Variants in AGXT2 observed in about 807,000 individuals in gnomAD.
AGXT2 encodes alanine--glyoxylate aminotransferase 2, mitochondrial.
A neutral mutation model predicts 62.5 loss-of-function variants in AGXT2; 61 were observed. The observed-to-expected ratio is 0.98, with a 90% CI of 0.79 to 1.21. AGXT2 has a LOEUF of 1.21. Among genes scored for constraint, AGXT2 ranks in the 50% most tolerant of loss-of-function variants. AGXT2 has a pLI of 0.00. For synonymous variants in AGXT2, 243 were observed against 218.7 expected (o/e 1.11, Z -0.98); for missense variants, 666 against 641.5 (o/e 1.04, Z -0.41).
intron 9 of AGXT2, among the ~76,000 whole-genome samples, chr5:35,022,474 C>G (rs1261591661): frequency 6.7e-6 from 1 of 149,190 alleles, no homozygotes; most frequent in Non-Finnish European, 1.5e-5. Flanking sequence ...ATCGCAAGAA[C>G]AAAAAACCAA....
intron 9 of AGXT2, among the ~76,000 whole-genome samples, chr5:35,023,463 A>G (rs1413710924): frequency 1.3e-5 from 2 of 152,186 alleles, no homozygotes; most frequent in African/African-American, 2.4e-5. Context: ...TTTCAATTAC[A>G]TTGTTTGAAA....
In AGXT2 at chr5:34,998,248, G is replaced by A. The variant is rs1465627870; in HGVS notation, c.*471C>T. 5.4e-6 allele frequency: 1 copy of A among 186,016 alleles called. No homozygotes were observed. Among genetic ancestry groups the A allele is most frequent in the Non-Finnish European group, 1.1e-5 (1 of 88,322 alleles). 11.5% of individuals were successfully genotyped at this position (186,016 alleles called of 1,614,324 possible). On this transcript the variant is annotated 3_prime_UTR_variant, in exon 14 of 14. Transcript: ENST00000231420. ...CCTCACCAAAAAGGGTTGTCCTCAT[G>A]ACTACAAGCCGGCTGACATGGTGCC...
rs1055406881 is a variant in AGXT2 at position 35,003,820 on chromosome 5, G to T, written c.1380C>A (p.Ile460=). The T allele has an allele frequency of 1.2e-6, 2 of 1,614,146 alleles. No individual in the cohort carries two copies. The highest frequency in any genetic ancestry group is 1.7e-5 in the Admixed American group (1 of 60,024). Residue 460 remains isoleucine, a synonymous_variant, in exon 13 of 14, where the codon ATC becomes ATA. Transcript: ENST00000231420. ...RPLPREEVNQ[I]HEDCKHMGLL... ...GTCCCATGTGCTTGCAGTCCTCATGGATCTGATTTACTTCTTCACGGGGAA... is the reference window on the plus strand; with the variant it reads ...GTCCCATGTGCTTGCAGTCCTCATGTATCTGATTTACTTCTTCACGGGGAA...
chr5:35,039,460 G>A lies in AGXT2; in HGVS notation c.226C>T (p.Pro76Ser), dbSNP rs200350208. The change falls in exon 3 of 14, where the codon CCT becomes TCT. Residue 76 changes from proline to serine, a missense_variant. By Grantham distance (74) the Pro-to-Ser change is moderately conservative. Coordinates refer to ENST00000231420, the MANE Select transcript of AGXT2 (RefSeq NM_031900.4). ...TTCTGGAAATATGCCGTCACCACAGGAGAAAGATGTTCCTTGTGGATTTCC... is the reference window on the plus strand; with the variant it reads ...TTCTGGAAATATGCCGTCACCACAGAAGAAAGATGTTCCTTGTGGATTTCC... The part of the protein sequence containing the change: ...VLEIHKEHLS[P>S]VVTAYFQKPL... 7.4e-6 allele frequency: 12 copies of A among 1,614,062 alleles called. No individual in the cohort carries two copies. The highest frequency in any genetic ancestry group is 1.6e-4 in the Middle Eastern group (1 of 6,062).
At chr5:35,027,710 G>A (rs1201588637) in intron 7 of AGXT2, among the ~76,000 whole-genome samples, 1 of 151,364 alleles carries the variant, frequency 6.6e-6, no homozygotes, top group African/African-American at 2.4e-5. Flanking sequence ...AATTCTTTGA[G>A]GCCCAGAATG....
At chr5:35,037,693 A>AAT (rs1767833218) in intron 3 of AGXT2, among the ~76,000 whole-genome samples, 1 of 152,196 alleles carries the variant, frequency 6.6e-6, no homozygotes, top group South Asian at 2.1e-4. Context: ...CTGGGACTAT[A>AAT]GGTGCATGCT....
chr5:35,006,130 G>A (rs946353738), intron 12 of AGXT2, among the ~76,000 whole-genome samples: 4 of 152,030 alleles, frequency 2.6e-5, no homozygotes, highest in Non-Finnish European at 4.4e-5. Flanking sequence ...CTTCTTAAAC[G>A]TTACCTAGTA....
chr5:35,012,176 A>G (rs1158234878), intron 11 of AGXT2, among the ~76,000 whole-genome samples: 8 of 152,092 alleles, frequency 5.3e-5, no homozygotes, highest in Non-Finnish European at 8.8e-5. Context: ...AGACTTCACC[A>G]CTATACAATT....
At chr5:35,029,309 A>G (rs115053298) in intron 7 of AGXT2, among the ~76,000 whole-genome samples, 95 of 152,370 alleles carry the variant, frequency 6.2e-4, no homozygotes, top group African/African-American at 2.2e-3. Flanking sequence ...TGGAAATTTA[A>G]CAAGCCCATT....
chr5:35,036,058 C>T (rs554767263), intron 4 of AGXT2, among the ~76,000 whole-genome samples: 47 of 147,586 alleles, frequency 3.2e-4, no homozygotes, highest in African/African-American at 1.2e-3. Flanking sequence ...GCCTGGGTGA[C>T]AGAGTGAGAC....
intron 7 of AGXT2, among the ~76,000 whole-genome samples, chr5:35,027,308 T>G (rs1767394802): frequency 6.6e-6 from 1 of 152,172 alleles, no homozygotes. Context: ...TTTCTTTCTT[T>G]TTGGAGATCT....
intron 9 of AGXT2, among the ~76,000 whole-genome samples, chr5:35,021,265 G>A (rs1183119234): frequency 1.3e-5 from 2 of 152,204 alleles, no homozygotes; most frequent in Non-Finnish European, 2.9e-5. Flanking sequence ...GCTTCGCCAA[G>A]TGAATCCTAA....
Position 34,998,747 on chromosome 5 carries a change from G to T in AGXT2, c.1517C>A (p.Thr506Asn). The change falls in exon 14 of 14, where the codon ACC becomes AAC. Residue 506 changes from threonine (T) to asparagine (N), a missense_variant. Coordinates refer to ENST00000231420, the MANE Select transcript of AGXT2 (RefSeq NM_031900.4). Reference protein sequence around the residue: ...FAVEVFRSALTQHMERRAK With the variant: ...FAVEVFRSALNQHMERRAK Reference sequence around the variant, plus strand: ...CTTAGCTCTTCTTTCCATGTGTTGGGTTAAGGCAGAACGAAATACTTCTAC... The same window carrying T: ...CTTAGCTCTTCTTTCCATGTGTTGGTTTAAGGCAGAACGAAATACTTCTAC... 6.2e-7 allele frequency: 1 copy of T among 1,613,764 alleles called. No individual in the cohort carries two copies.
chr5:35,024,117 T>C (rs1316674245), intron 9 of AGXT2, among the ~76,000 whole-genome samples: 3 of 152,208 alleles, frequency 2.0e-5, no homozygotes, highest in East Asian at 1.9e-4. Context: ...GGTTTTGAAC[T>C]CCTGACCTCA....
At chr5:35,009,224 C>A (rs1202848157) in intron 12 of AGXT2, among the ~76,000 whole-genome samples, 1 of 151,190 alleles carries the variant, frequency 6.6e-6, no homozygotes, top group Non-Finnish European at 1.5e-5. Context: ...AGGTTGAAAT[C>A]CATTCACAAG....
intron 9 of AGXT2, among the ~76,000 whole-genome samples, chr5:35,020,786 C>T (rs1271444159): frequency 2.0e-5 from 3 of 152,074 alleles, no homozygotes; most frequent in African/African-American, 7.2e-5. Flanking sequence ...TCAAATTGTC[C>T]CTGTTTGCAG....
In AGXT2 at chr5:35,036,998, G is replaced by C; in HGVS notation, c.430C>G (p.Pro144Ala). The change falls in exon 4 of 14, where the codon CCT (proline) becomes GCT (alanine). Residue 144 changes from proline (P) to alanine (A), a missense_variant. Transcript: ENST00000231420. ...TTCTCTGCATATTCATGCATTGGAG[G>C]GTGGAAGAAGACGGTGCTTGTATGC... ...LWHTSTVFFH[P>A]PMHEYAEKLA... 6.2e-7 allele frequency: 1 copy of C among 1,614,176 alleles called. No individual in the cohort carries two copies. The highest frequency in any genetic ancestry group is 1.1e-5 in the South Asian group (1 of 91,084).
rs1245338663 is a variant in AGXT2 at position 35,047,926 on chromosome 5, C to A, written c.-34G>T. 6.2e-7 allele frequency: 1 copy of A among 1,613,442 alleles called. No homozygotes were observed. Among genetic ancestry groups the A allele is most frequent in the Non-Finnish European group, 8.5e-7 (1 of 1,179,692 alleles). On this transcript the variant is annotated 5_prime_UTR_variant, in exon 1 of 14. Transcript: ENST00000231420. ...CTCAGAAAGCCAACCCCCATGGAAG[C>A]AGATTGGAGGCCGGGCTCTAACTGC... is the stretch of plus-strand genomic sequence containing the variant.
intron 1 of AGXT2, among the ~76,000 whole-genome samples, chr5:35,043,397 C>T (rs1292067086): frequency 6.6e-6 from 1 of 152,162 alleles, no homozygotes; most frequent in Non-Finnish European, 1.5e-5. Flanking sequence ...TGAGACAGGT[C>T]TGGCTCTGTT....
Sources: allele counts gnomAD v4.1 joint callset (sites outside exome capture counted in the v4.1 genomes callset), GRCh38; gene constraint gnomAD v4.1.1; transcripts MANE v1.5; gene names NCBI Gene and HGNC (gene_info 2026-07-23, HGNC 2026-07-21).